Variants in PRELID2 observed in about 807,000 individuals in gnomAD.
PRELID2 encodes the protein PRELI domain-containing protein 2.
Under a neutral mutation model 28.4 loss-of-function variants are expected in PRELID2, and 25 were observed. The ratio of observed to expected loss-of-function variants is 0.88; its 90% confidence interval spans 0.64 to 1.23. The LOEUF (loss-of-function observed/expected upper bound fraction) is 1.23, where lower values mean the gene tolerates loss of function less well. PRELID2 is among the 50% of genes most tolerant of loss of function. The probability of loss-of-function intolerance (pLI) is 0.00; values close to 1 mark genes in which losing one functional copy is unlikely to be tolerated. For synonymous variants in PRELID2, 76 were observed against 71.6 expected (o/e 1.06, Z -0.31); for missense variants, 201 against 214.4 (o/e 0.94, Z 0.39).
intron 1 of PRELID2, among the ~76,000 whole-genome samples, chr5:145,733,082 C>CAAA (rs556645506): frequency 1.3e-5 from 1 of 78,104 alleles, no homozygotes; most frequent in Non-Finnish European, 2.7e-5. Flanking sequence ...CCTGTCTCTA[C>CAAA]AAAAAAAAAA....
At chr5:145,440,075 G>T in the PRELID2 span, among the ~76,000 whole-genome samples, 55 of 152,192 alleles carry the variant, frequency 3.6e-4, no homozygotes, top group African/African-American at 1.3e-3. Context: ...CCACTCTGAG[G>T]CTGAGCTCTA....
chr5:145,714,245 G>A (rs1755783476), intron 1 of PRELID2, among the ~76,000 whole-genome samples: 1 of 152,084 alleles, frequency 6.6e-6, no homozygotes, highest in Non-Finnish European at 1.5e-5. Context: ...AATCCACTCT[G>A]TTTATGTTAG....
chr5:145,300,099 T>G, the PRELID2 span, among the ~76,000 whole-genome samples: 3 of 152,286 alleles, frequency 2.0e-5, no homozygotes, highest in Middle Eastern at 3.4e-3. Context: ...TGCCTGTGTA[T>G]ATCACTAACT....
chr5:145,827,628 G>C (rs1445753332), intron 1 of PRELID2, among the ~76,000 whole-genome samples: 1 of 152,188 alleles, frequency 6.6e-6, no homozygotes, highest in Non-Finnish European at 1.5e-5. Context: ...CAACGGCATA[G>C]TGAAGGTTTT....
At chr5:145,578,730 G>C (rs1284569533) in intron 1 of PRELID2, among the ~76,000 whole-genome samples, 4 of 152,084 alleles carry the variant, frequency 2.6e-5, no homozygotes, top group African/African-American at 9.7e-5. Context: ...CTGGGAATTA[G>C]TCTTAGTGGT....
At chr5:145,298,776 A>C in the PRELID2 span, among the ~76,000 whole-genome samples, 1 of 152,202 alleles carries the variant, frequency 6.6e-6, no homozygotes, top group Non-Finnish European at 1.5e-5. Context: ...ACAGCAACAC[A>C]AAATAAACTA....
chr5:145,304,912 G>A, the PRELID2 span, among the ~76,000 whole-genome samples: 15 of 152,046 alleles, frequency 9.9e-5, no homozygotes, highest in Non-Finnish European at 2.1e-4. Flanking sequence ...TGATAGAATA[G>A]GAACATAGTA....
intron 1 of PRELID2, among the ~76,000 whole-genome samples, chr5:145,632,359 T>C (rs565912283): frequency 6.6e-5 from 10 of 152,330 alleles, no homozygotes; most frequent in Admixed American, 5.9e-4. Context: ...ATAACAAAAA[T>C]TATAAATCAC....
chr5:145,301,714 T>C, the PRELID2 span, among the ~76,000 whole-genome samples: 2 of 152,144 alleles, frequency 1.3e-5, no homozygotes, highest in African/African-American at 2.4e-5. Flanking sequence ...GATCGTTTGA[T>C]TACATTTGTT....
chr5:145,691,717 C>CA (rs919163878), intron 1 of PRELID2, among the ~76,000 whole-genome samples: 10 of 148,690 alleles, frequency 6.7e-5, no homozygotes, highest in Admixed American at 2.0e-4. Context: ...GACTCCATCT[C>CA]AAAAAAAAAA....
the PRELID2 span, among the ~76,000 whole-genome samples, chr5:145,299,771 C>A: frequency 2.6e-5 from 4 of 151,862 alleles, no homozygotes; most frequent in South Asian, 8.3e-4. Context: ...TTGGGGACTG[C>A]AAAATGGTGA....
intron 1 of PRELID2, among the ~76,000 whole-genome samples, chr5:145,590,380 C>G (rs939608147): frequency 6.6e-6 from 1 of 152,150 alleles, no homozygotes; most frequent in Non-Finnish European, 1.5e-5. Flanking sequence ...TTATTACAAT[C>G]TAACATTTCC....
intron 1 of PRELID2, among the ~76,000 whole-genome samples, chr5:145,722,689 G>A (rs1056887270): frequency 6.6e-6 from 1 of 151,850 alleles, no homozygotes. Flanking sequence ...TGTTAGAGAC[G>A]GGGTTTCACC....
rs918493558 is a variant in PRELID2, at chr5:145,760,143, T to A, written c.*393A>T. 1 of 152,160 alleles carries A rather than the reference T, an allele frequency of 6.6e-6. No homozygotes were observed. Among genetic ancestry groups the A allele is most frequent in the Non-Finnish European group, 1.5e-5 (1 of 68,040 alleles). The allele number at this position is 152,160 out of a possible 1,614,324, so 9.4% of individuals were successfully genotyped here. ...CCTAGGAACAACGGTGCTGATAACA[T>A]AAGGGCACAAGCACCCTCTCCAGGC... On this transcript the variant is annotated 3_prime_UTR_variant, in exon 7 of 7. Coordinates refer to ENST00000683046, the MANE Select transcript of PRELID2 (RefSeq NM_205846.3).
intron 1 of PRELID2, among the ~76,000 whole-genome samples, chr5:145,545,450 C>CA (rs113856480): frequency 0.65 from 94,782 of 146,752 alleles, 31,337 homozygotes; most frequent in East Asian, 0.96. Context: ...GAGTAGAAGG[C>CA]AAAAAAAAAA....
chr5:145,384,863 T>C, the PRELID2 span, among the ~76,000 whole-genome samples: 6 of 152,270 alleles, frequency 3.9e-5, no homozygotes, highest in South Asian at 8.3e-4. Flanking sequence ...AACGGTATGG[T>C]TGTAAACCAT....
the PRELID2 span, among the ~76,000 whole-genome samples, chr5:145,396,361 T>C: frequency 7.2e-5 from 11 of 152,030 alleles, no homozygotes; most frequent in Admixed American, 6.6e-5. Context: ...TTATCTACAG[T>C]ACTAGTAACT....
intron 1 of PRELID2, among the ~76,000 whole-genome samples, chr5:145,717,965 A>G (rs1443725371): frequency 6.6e-6 from 1 of 151,834 alleles, no homozygotes; most frequent in Non-Finnish European, 1.5e-5. Context: ...ATACTACATT[A>G]AAAATATATA....
At chr5:145,349,013 A>G in the PRELID2 span, among the ~76,000 whole-genome samples, 1 of 152,124 alleles carries the variant, frequency 6.6e-6, no homozygotes, top group African/African-American at 2.4e-5. Context: ...GCAGTTGTAA[A>G]TCTGGGTGCA....
Sources: gnomAD v4.1 joint callset for allele counts (sites outside exome capture counted in the v4.1 genomes callset) on GRCh38, gnomAD v4.1.1 for gene constraint, MANE v1.5 for transcripts, NCBI Gene and HGNC (gene_info 2026-07-23, HGNC 2026-07-21) for gene names.